NUTM2F: variants seen among roughly 807,000 people sequenced by gnomAD.
NUTM2F encodes the protein NUT family member 2F, also known as family with sequence similarity 22, member F.
Under a neutral mutation model 43.3 loss-of-function variants are expected in NUTM2F, and 22 were observed. That is an observed-to-expected ratio of 0.51 (90% CI 0.36 to 0.73). The LOEUF is 0.73. Among genes scored for constraint, NUTM2F ranks in the 30% least tolerant of loss-of-function variants. The pLI is 0.00. For missense variants in NUTM2F, 488 were observed against 927.4 expected (o/e 0.53, Z 6.15); for synonymous variants, 202 against 389.0 (o/e 0.52, Z 5.66).
At chr9:94,324,235 A>G (rs1355895939) in intron 2 of NUTM2F, among the ~76,000 whole-genome samples, 1 of 151,732 alleles carries the variant, frequency 6.6e-6, no homozygotes, top group Non-Finnish European at 1.5e-5. Context: ...TCACCATTGC[A>G]CTCCAGCCTG....
chr9:94,322,452 C>T, intron 2 of NUTM2F, 123 bp from the exon 3 acceptor site: 2 of 1,445,332 alleles, frequency 1.4e-6, no homozygotes, highest in Non-Finnish European at 1.9e-6. Flanking sequence ...GTCCTGTTCT[C>T]CCCCATGTGG....
In NUTM2F at chr9:94,325,852, G is replaced by T. The variant is rs537516220; in HGVS notation, c.99C>A (p.Pro33=). The T allele has an allele frequency of 1.2e-5, 20 of 1,612,032 alleles. No homozygotes were observed. In the South Asian group the frequency reaches 2.2e-4, roughly 18 times the overall value. ...GCGGCCTGTGTGCTGGGCCGGGAGC[G>T]GGTGTGGCAAAGGGCAGAGCCGTGA... ...SVFTALPFAT[P]APGPAHRPPL... is the part of the protein sequence containing the mutation. The change falls in exon 2 of 7, where the codon CCC becomes CCA. Residue 33 remains proline, a synonymous_variant. Coordinates refer to ENST00000253262, the MANE Select transcript of NUTM2F (RefSeq NM_017561.2).
intron 2 of NUTM2F, among the ~76,000 whole-genome samples, chr9:94,323,905 C>G (rs1470370235): frequency 6.6e-6 from 1 of 152,170 alleles, no homozygotes; most frequent in Admixed American, 6.5e-5. Context: ...GCTCCTCCCC[C>G]CAGCCCCATG....
rs759201535 is a variant in NUTM2F, at chr9:94,320,475, C to T, written c.1101G>A (p.Ala367=). Residue 367 remains alanine, a synonymous_variant, in exon 5 of 7, where the codon GCG becomes GCA. Transcript: ENST00000253262. This position sits in a 1 kb window ranked among gnomAD's most constrained non-coding sequence, Gnocchi z 4.5. Reference sequence around the variant, plus strand: ...GTGGTGGCAGGTGGGCGTTGGTCTCCGCTGGCCTCTGGGGCCTGGGTGGTG... The same window carrying T: ...GTGGTGGCAGGTGGGCGTTGGTCTCTGCTGGCCTCTGGGGCCTGGGTGGTG... ...HLPPPRPQRP[A]ETNAHLPPPR... is the part of the protein sequence containing the mutation. 2.4e-5 allele frequency: 38 copies of T among 1,611,584 alleles called. No individual in the cohort carries two copies. In the Admixed American group the frequency reaches 4.7e-4, roughly 20 times the overall value.
chr9:94,325,854 G>T lies in NUTM2F; in HGVS notation c.97C>A (p.Pro33Thr), dbSNP rs1414577172. The change falls in exon 2 of 7, where the codon CCC (proline) becomes ACC (threonine). Residue 33 changes from proline (P) to threonine (T), a missense_variant. Pro to Thr is a conservative substitution (Grantham distance 38). Coordinates refer to ENST00000253262, the MANE Select transcript of NUTM2F (RefSeq NM_017561.2). Reference protein sequence around the residue: ...SVFTALPFATPAPGPAHRPPL... With the variant: ...SVFTALPFATTAPGPAHRPPL... ...GGCCTGTGTGCTGGGCCGGGAGCGG[G>T]TGTGGCAAAGGGCAGAGCCGTGAAC... 1.9e-6 allele frequency: 3 copies of T among 1,612,050 alleles called. No homozygotes were observed. The highest frequency in any genetic ancestry group is 2.5e-6 in the Non-Finnish European group (3 of 1,179,868).
At chr9:94,324,506 CA>C (rs71500062) in intron 2 of NUTM2F, among the ~76,000 whole-genome samples, 10,270 of 144,634 alleles carry the variant, frequency 0.071, 447 homozygotes, top group Middle Eastern at 0.11. Context: ...ACTAAAAATA[CA>C]AAAAAATTAG....
chr9:94,325,606 G>C lies in NUTM2F; in HGVS notation c.345C>G (p.Leu115=). ...GAGGTGGACACATGACACCTCCACA[G>C]AGGGTGCCTGGAGCCTGCCAGACGA... The part of the protein sequence containing the change: ...APLVWQAPGT[L]CGGVMCPPPL... The change falls in exon 2 of 7, where the codon CTC becomes CTG. Residue 115 remains leucine (L), a synonymous_variant. Coordinates refer to ENST00000253262, the MANE Select transcript of NUTM2F (RefSeq NM_017561.2). The C allele has an allele frequency of 6.3e-7, 1 of 1,599,010 alleles. No homozygotes were observed. The highest frequency in any genetic ancestry group is 1.1e-5 in the South Asian group (1 of 89,886).
At chr9:94,324,895 C>G (rs1389153889) in intron 2 of NUTM2F, among the ~76,000 whole-genome samples, 1 of 144,510 alleles carries the variant, frequency 6.9e-6, no homozygotes, top group African/African-American at 2.6e-5. Flanking sequence ...GCTGAGGCAG[C>G]AGAATCACTT....
chr9:94,325,944 C>T lies in NUTM2F; in HGVS notation c.17-10G>A, dbSNP rs1444515285. On this transcript the variant is annotated splice_polypyrimidine_tract_variant and intron_variant, in intron 1 of 6. Transcript: ENST00000253262. The stretch of plus-strand genomic sequence containing the variant: ...CCCAGCACTGGGTATGCTGTGGAGA[C>T]AAAGGAAAGAGGTGAATGAGCTGGC... 2 of 1,611,414 alleles carry T rather than the reference C, an allele frequency of 1.2e-6. No individual in the cohort carries two copies. The highest frequency in any genetic ancestry group is 1.1e-5 in the South Asian group (1 of 90,920).
In NUTM2F at chr9:94,322,207, G is replaced by A. The variant is rs761896962; in HGVS notation, c.836C>T (p.Ala279Val). The A allele has an allele frequency of 5.1e-5, 83 of 1,611,866 alleles. No homozygotes were observed. The highest frequency in any genetic ancestry group is 6.4e-5 in the Non-Finnish European group (76 of 1,179,876). ...CCCAGGACCCCAGACTCACTTTTCC[G>A]CCATCTCGTAGAAGATCATCCGGTC... ...NFDRMIFYEM[A>V]EKFLEFEAEE... The change falls in exon 3 of 7, where the codon GCG becomes GTG. Residue 279 changes from alanine to valine, a missense_variant. Coordinates refer to ENST00000253262, the MANE Select transcript of NUTM2F (RefSeq NM_017561.2).
rs555430312 is a variant in NUTM2F at position 94,325,386 on chromosome 9, C to G, written c.565G>C (p.Ala189Pro). 1 of 985,782 alleles carries G rather than the reference C, an allele frequency of 1.0e-6. No homozygotes were observed. Among genetic ancestry groups the G allele is most frequent in the Non-Finnish European group, 1.4e-6 (1 of 712,906 alleles). The allele number at this position is 985,782 out of a possible 1,614,324, so 61.1% of individuals were successfully genotyped here. A position where few individuals can be genotyped will look rare whatever the true frequency, so the allele number is the denominator to read the frequency against. Residue 189 changes from alanine to proline, a missense_variant, in exon 2 of 7, where the codon GCT becomes CCT. Transcript: ENST00000253262. ...PQGAHGEGSL[A>P]PSQAKARPDD... The stretch of plus-strand genomic sequence containing the variant: ...GGCCGGGCCTTGGCCTGGGAGGGAG[C>G]CAGGCTGCCCTCTCCATGAGCCCCT...
rs1465403254 is a variant in NUTM2F at position 94,321,311 on chromosome 9, G to T, written c.843-79C>A. 7 of 1,534,200 alleles carry T rather than the reference G, an allele frequency of 4.6e-6. No individual in the cohort carries two copies. The Admixed American group carries it at 1.4e-4, about 30-fold the overall frequency. ...CAGGACCAGGCAGCAGCTGAGGGCA[G>T]GGATGGGAGGGAGTGCCTCCGGCGG... On this transcript the variant is annotated intron_variant, in intron 3 of 6. Transcript: ENST00000253262.
intron 2 of NUTM2F, 127 bp from the exon 3 acceptor site, chr9:94,322,456 C>A: frequency 2.1e-6 from 3 of 1,439,658 alleles, no homozygotes; most frequent in East Asian, 4.9e-5. Flanking sequence ...TGTTCTCCCC[C>A]ATGTGGGCTC....
chr9:94,328,064 T>A (rs1183016605), intron 1 of NUTM2F, among the ~76,000 whole-genome samples: 1 of 152,022 alleles, frequency 6.6e-6, no homozygotes, highest in African/African-American at 2.4e-5. Context: ...GCTGTGGCAG[T>A]TGCAGTGGCC....
chr9:94,320,469 G>A lies in NUTM2F; in HGVS notation c.1107C>T (p.Thr369=), dbSNP rs1372090050. The change falls in exon 5 of 7, where the codon ACC becomes ACT. Residue 369 remains threonine (T), a synonymous_variant. Transcript: ENST00000253262. This position sits in a 1 kb window ranked among gnomAD's most constrained non-coding sequence, Gnocchi z 4.5. ...GCCTGGGTGGTGGCAGGTGGGCGTT[G>A]GTCTCCGCTGGCCTCTGGGGCCTGG... ...PPPRPQRPAE[T]NAHLPPPRPQ... 1.2e-6 allele frequency: 2 copies of A among 1,611,320 alleles called. No homozygotes were observed. Among genetic ancestry groups the A allele is most frequent in the Non-Finnish European group, 1.7e-6 (2 of 1,179,442 alleles).
At position 94,325,166 on chromosome 9, in the gene NUTM2F, ACCT is replaced by A. The variant is rs1831434453; in HGVS notation, c.713+69_713+71del. 2 of 586,962 alleles carry A rather than the reference ACCT, an allele frequency of 3.4e-6. 1 individual carries two copies. The highest frequency in any genetic ancestry group is 4.7e-5 in the African/African-American group (2 of 42,586). 36.4% of individuals were successfully genotyped at this position (586,962 alleles called of 1,614,324 possible). ...CCTGCAAGCTCCCCTGAACAGTGTG[ACCT>A]CCTGTCCATCCAGCAGCCTCTTTAT... On this transcript the variant is annotated intron_variant, in intron 2 of 6. Coordinates refer to ENST00000253262, the MANE Select transcript of NUTM2F (RefSeq NM_017561.2).
chr9:94,324,489 C>T (rs1166040430), intron 2 of NUTM2F, among the ~76,000 whole-genome samples: 1 of 149,764 alleles, frequency 6.7e-6, no homozygotes, highest in Non-Finnish European at 1.5e-5. Flanking sequence ...GGTGAAACCC[C>T]GTCTCTACTA....
In NUTM2F at chr9:94,321,143, G is replaced by A. The variant is rs1587701982; in HGVS notation, c.932C>T (p.Pro311Leu). 9.7e-6 allele frequency: 15 copies of A among 1,548,758 alleles called. No homozygotes were observed. The highest frequency in any genetic ancestry group is 7.1e-5 in the East Asian group (3 of 42,128). The change falls in exon 4 of 7, where the codon CCG becomes CTG. Residue 311 changes from proline (P) to leucine (L), a missense_variant. Pro to Leu is a moderately conservative substitution (Grantham distance 98). Transcript: ENST00000253262. ...AGGGGGTCCTCGAGGTTCAAGCCTC[G>A]GCGGGGCTGGAGGAGGCAGGCTCTG... Reference protein sequence around the residue: ...GPQSLPPPAPPRLEPRGPPAP... With the variant: ...GPQSLPPPAPLRLEPRGPPAP...
chr9:94,322,127 A>G, intron 3 of NUTM2F, 74 bp downstream of exon 3: 1 of 1,589,280 alleles, frequency 6.3e-7, no homozygotes. Flanking sequence ...CTGAGAAGCC[A>G]CCACGGCCAC....
Sources: gnomAD v4.1 joint callset for allele counts (sites outside exome capture counted in the v4.1 genomes callset) on GRCh38, gnomAD v4.1.1 for gene constraint, Gnocchi (gnomAD v3.1) non-coding constraint, MANE v1.5 for transcripts, NCBI Gene and HGNC (gene_info 2026-07-23, HGNC 2026-07-21) for gene names.